RBM19: variants seen among roughly 807,000 people sequenced by gnomAD.
RBM19 encodes probable RNA-binding protein 19.
RBM19 carries 94 observed loss-of-function variants against 116.8 expected under a neutral mutation model. The observed-to-expected ratio is 0.80, with a 90% CI of 0.68 to 0.95. The LOEUF (loss-of-function observed/expected upper bound fraction) is 0.95. Among genes scored for constraint, RBM19 ranks in the 40% least tolerant of loss-of-function variants. The probability of loss-of-function intolerance (pLI) is 0.00; values close to 1 mark genes in which losing one functional copy is unlikely to be tolerated. For synonymous variants in RBM19, 475 were observed against 494.1 expected (o/e 0.96, Z 0.51); for missense variants, 1,161 against 1,220.7 (o/e 0.95, Z 0.73).
intron 23 of RBM19, among the ~76,000 whole-genome samples, chr12:113,830,345 ATATGATGACTGC>A (rs1409552192): frequency 6.6e-6 from 1 of 152,132 alleles, no homozygotes; most frequent in Admixed American, 6.5e-5. Flanking sequence ...TGAGCACGGG[ATATGATGACTGC>A]TATGATGACT....
intron 21 of RBM19, among the ~76,000 whole-genome samples, chr12:113,893,510 A>G (rs1012592448): frequency 2.0e-5 from 3 of 152,266 alleles, no homozygotes; most frequent in Admixed American, 1.3e-4. Context: ...CTTGATAAAC[A>G]CTGCGGATGT....
downstream of RBM19, chr12:113,817,297 G>A (rs946899165): frequency 5.3e-5 from 8 of 152,260 alleles, no homozygotes; most frequent in Non-Finnish European, 1.2e-4. Context: ...AGCGACCCGA[G>A]TTTCTGTCTT....
downstream of RBM19, among the ~76,000 whole-genome samples, chr12:113,818,453 C>T (rs918269555): frequency 6.6e-6 from 1 of 152,166 alleles, no homozygotes; most frequent in East Asian, 1.9e-4. Context: ...CCCAACATGG[C>T]GCAGCGCCCT....
intron 21 of RBM19, among the ~76,000 whole-genome samples, chr12:113,868,757 C>T (rs1015368256): frequency 6.6e-6 from 1 of 152,176 alleles, no homozygotes; most frequent in Non-Finnish European, 1.5e-5. Context: ...GGCACAAGGC[C>T]TTGGTCTTTA....
intron 15 of RBM19, among the ~76,000 whole-genome samples, chr12:113,937,755 TAAAA>T (rs35507198): frequency 1.0e-4 from 12 of 118,786 alleles, no homozygotes; most frequent in Admixed American, 2.8e-4. Flanking sequence ...TCCTGCCTCT[TAAAA>T]AAAAAAAAAA....
chr12:113,958,758 C>T (rs1173728350), intron 5 of RBM19, among the ~76,000 whole-genome samples: 1 of 152,212 alleles, frequency 6.6e-6, no homozygotes, highest in Non-Finnish European at 1.5e-5. Context: ...ACACCACAAA[C>T]CCCTTCTGAG....
intron 10 of RBM19, among the ~76,000 whole-genome samples, chr12:113,948,518 A>G (rs1417126769): frequency 6.6e-6 from 1 of 152,266 alleles, no homozygotes; most frequent in South Asian, 2.1e-4. Context: ...GACTTTGGAC[A>G]GCAAGGGAGT....
chr12:113,920,186 G>C (rs1378087028), intron 19 of RBM19, among the ~76,000 whole-genome samples: 3 of 152,070 alleles, frequency 2.0e-5, no homozygotes, highest in African/African-American at 4.8e-5. Flanking sequence ...GGCCTCAACT[G>C]TCACCTCCTT....
intron 21 of RBM19, among the ~76,000 whole-genome samples, chr12:113,878,886 G>A (rs553950174): frequency 1.3e-4 from 19 of 151,582 alleles, no homozygotes; most frequent in African/African-American, 4.4e-4. Flanking sequence ...GGAGATGTAC[G>A]TATGTGTCTA....
At chr12:113,911,969 C>G (rs1219696040) in intron 21 of RBM19, among the ~76,000 whole-genome samples, 1 of 152,192 alleles carries the variant, frequency 6.6e-6, no homozygotes, top group Non-Finnish European at 1.5e-5. Context: ...ACTGCTGTGC[C>G]TCTCTCTGAG....
rs1381304487 is a variant in RBM19, at chr12:113,839,795, G to A, written c.2785+4873C>T. ...TGAGAAAACAGAAGCTCACAGGGAG[G>A]AACGACTTGCCCCAGGACAACAGCC... On this transcript the variant is annotated intron_variant, in intron 23 of 23. Coordinates refer to ENST00000261741, the MANE Select transcript of RBM19 (RefSeq NM_016196.4). Among the ~76,000 whole-genome samples, 3 of 152,222 alleles carry A rather than the reference G, an allele frequency of 2.0e-5. No individual in the cohort carries two copies. The South Asian group carries it at 6.2e-4, about 32-fold the overall frequency.
In RBM19 at chr12:113,823,322, CTG is replaced by C. The variant is rs1874581674; in HGVS notation, c.2786-3_2786-2del. On this transcript the variant is annotated splice_acceptor_variant and splice_polypyrimidine_tract_variant and intron_variant, in intron 23 of 23. Coordinates refer to ENST00000261741, the MANE Select transcript of RBM19 (RefSeq NM_016196.4). LOFTEE classifies it high-confidence loss of function. The stretch of plus-strand genomic sequence containing the variant: ...ACAGACCGCTTTTTCTTCGGGGGCT[CTG>C]TGGGAGCCCAGATGGCAAGAGAGGA... The C allele has an allele frequency of 1.9e-6, 3 of 1,612,552 alleles. No homozygotes were observed. The East Asian group carries it at 6.7e-5, about 36-fold the overall frequency.
intron 10 of RBM19, 23 bp from the exon 11 acceptor site, chr12:113,947,487 T>A (rs1204413587): frequency 6.3e-7 from 1 of 1,579,914 alleles, no homozygotes; most frequent in Admixed American, 1.7e-5. Context: ...GAAGTGTCGG[T>A]CTCTGGTAGG....
chr12:113,950,145 A>G lies in RBM19; in HGVS notation c.1010T>C (p.Phe337Ser). The G allele has an allele frequency of 2.5e-6, 4 of 1,608,976 alleles. No individual in the cohort carries two copies. The highest frequency in any genetic ancestry group is 3.4e-6 in the Non-Finnish European group (4 of 1,175,496). ...NAHGNKTGYI[F>S]VDFSNEEEVK... ...TTCCTCTTCATTGCTGAAATCCACA[A>G]AGATGTATCCTGACAGAGGACAATG... The change falls in exon 9 of 24, where the codon TTT (phenylalanine) becomes TCT (serine). Residue 337 changes from phenylalanine to serine, a missense_variant. Transcript: ENST00000261741.
chr12:113,943,464 G>GT (rs1176383780), intron 13 of RBM19, among the ~76,000 whole-genome samples: 1 of 151,306 alleles, frequency 6.6e-6, no homozygotes, highest in Non-Finnish European at 1.5e-5. Context: ...ACAGAATTCC[G>GT]TGAGGAAAAA....
At chr12:113,933,311 G>A (rs537376234) in intron 16 of RBM19, among the ~76,000 whole-genome samples, 9 of 150,848 alleles carry the variant, frequency 6.0e-5, no homozygotes, top group African/African-American at 2.2e-4. Flanking sequence ...CGGGGGAGTC[G>A]GGGATTTGGT....
At chr12:113,883,038 GAGAC>G (rs1593529806) in intron 21 of RBM19, among the ~76,000 whole-genome samples, 1 of 152,338 alleles carries the variant, frequency 6.6e-6, no homozygotes, top group South Asian at 2.1e-4. Flanking sequence ...GAGAGAAAGA[GAGAC>G]AGAGAGAGAG....
intron 23 of RBM19, 94 bp from the exon 24 acceptor site, chr12:113,823,415 G>A (rs769332602): frequency 3.7e-6 from 4 of 1,083,150 alleles, no homozygotes; most frequent in Non-Finnish European, 4.1e-6. Context: ...AGGGAGAGGG[G>A]AGAGATGAGC....
rs571376583 is a variant in RBM19 at position 113,936,474 on chromosome 12, A to G, written c.2068+533T>C. ...ATGTGAAATGTCTTGTGATTTGCAA[A>G]GCAGTCCTGACAAGAAAGTACTGTC... On this transcript the variant is annotated intron_variant, in intron 16 of 23. Transcript: ENST00000261741. Among the ~76,000 whole-genome samples, 15 of 152,352 alleles carry G rather than the reference A, an allele frequency of 9.8e-5. No homozygotes were observed. The South Asian group carries it at 1.7e-3, about 17-fold the overall frequency.
Sources: gnomAD v4.1 joint callset for allele counts (sites outside exome capture counted in the v4.1 genomes callset) on GRCh38, gnomAD v4.1.1 for gene constraint, MANE v1.5 for transcripts, NCBI Gene and HGNC (gene_info 2026-07-23, HGNC 2026-07-21) for gene names.